BCAS3: variants seen among roughly 807,000 people sequenced by gnomAD.
BCAS3 encodes the protein BCAS3 microtubule associated cell migration factor, also known as BCAS4/BCAS3 fusion.
BCAS3 carries 53 observed loss-of-function variants against 116.1 expected under a neutral mutation model. The observed-to-expected ratio is 0.46, with a 90% CI of 0.37 to 0.57. The LOEUF is 0.57. Ranked by LOEUF, BCAS3 falls within the 20% of genes least tolerant of loss-of-function variation. The pLI, the probability that BCAS3 is intolerant of heterozygous loss-of-function variation, is 0.00. For synonymous variants in BCAS3, 391 were observed against 408.2 expected (o/e 0.96, Z 0.51); for missense variants, 917 against 1,165.4 (o/e 0.79, Z 3.10).
At position 61,128,764 on chromosome 17, in the gene BCAS3, C is replaced by A. The variant is rs140923821; in HGVS notation, c.2425+44200C>A. 6.6e-6 allele frequency among the ~76,000 whole-genome samples: 1 copy of A among 152,040 alleles called. No individual in the cohort carries two copies. The highest frequency in any genetic ancestry group is 2.4e-5 in the African/African-American group (1 of 41,436). Reference sequence around the variant, plus strand: ...ATCGTGCTAGCTGGTAGAATTTTTTCCCCCAGGAAAAAAAAATCGGCAACT... The same window carrying A: ...ATCGTGCTAGCTGGTAGAATTTTTTACCCCAGGAAAAAAAAATCGGCAACT... On this transcript the variant is annotated intron_variant, in intron 22 of 23. Coordinates refer to ENST00000407086, the MANE Select transcript of BCAS3 (RefSeq NM_017679.5). This position sits in a 1 kb window ranked among gnomAD's most constrained non-coding sequence, Gnocchi z 4.1.
At chr17:60,781,833 C>G (rs1271229758) in intron 6 of BCAS3, among the ~76,000 whole-genome samples, 1 of 152,064 alleles carries the variant, frequency 6.6e-6, no homozygotes, top group Admixed American at 6.5e-5. Flanking sequence ...GCTTCTAGAC[C>G]TATTTCTAGG....
chr17:60,812,507 G>C (rs1390865997), intron 7 of BCAS3, among the ~76,000 whole-genome samples: 1 of 152,146 alleles, frequency 6.6e-6, no homozygotes, highest in Admixed American at 6.5e-5. Context: ...AAAGACAGGA[G>C]ATGTGATAGT....
chr17:61,103,260 T>C (rs1226697606), intron 22 of BCAS3, among the ~76,000 whole-genome samples: 1 of 152,160 alleles, frequency 6.6e-6, no homozygotes, highest in Non-Finnish European at 1.5e-5. Context: ...CAAACACCCT[T>C]CTGATTCTAA....
rs1568855443 is a variant in BCAS3, at chr17:61,324,858, G to C, written c.2426-43469G>C. Among the ~76,000 whole-genome samples, 1 of 151,722 alleles carries C rather than the reference G, an allele frequency of 6.6e-6. No individual in the cohort carries two copies. The highest frequency in any genetic ancestry group is 1.5e-5 in the Non-Finnish European group (1 of 67,934). On this transcript the variant is annotated intron_variant, in intron 22 of 23. Transcript: ENST00000407086. The surrounding 1 kb of genome is among the most constrained non-coding windows in gnomAD (Gnocchi z 4.6). Reference sequence around the variant, plus strand: ...AAAAAGAAGAAACAAAAAAGAAGATGTAGACTGTGTGATCTCTGAAATTTC... The same window carrying C: ...AAAAAGAAGAAACAAAAAAGAAGATCTAGACTGTGTGATCTCTGAAATTTC...
intron 19 of BCAS3, among the ~76,000 whole-genome samples, chr17:61,047,459 T>C (rs1309317357): frequency 2.6e-5 from 4 of 152,028 alleles, no homozygotes; most frequent in African/African-American, 9.7e-5. Flanking sequence ...TCAGTAAAAG[T>C]AAAAGTCAAG....
In BCAS3 at chr17:60,930,480, G is replaced by A. The variant is rs1231055456; in HGVS notation, c.1087+5980G>A. Among the ~76,000 whole-genome samples the A allele has an allele frequency of 5.3e-5, 8 of 151,948 alleles. No homozygotes were observed. In the East Asian group the frequency reaches 7.7e-4, roughly 15 times the overall value. ...CATTCATTCATTCATTTTTTGAGACGGAGTCTTGCTCTGTTGCCCAGGCTG... is the reference window on the plus strand; with the variant it reads ...CATTCATTCATTCATTTTTTGAGACAGAGTCTTGCTCTGTTGCCCAGGCTG... On this transcript the variant is annotated intron_variant, in intron 13 of 23. Transcript: ENST00000407086.
At chr17:60,679,406 G>A (rs1597985063) in intron 1 of BCAS3, 47 bp from the exon 2 acceptor site, 2 of 1,441,246 alleles carry the variant, frequency 1.4e-6, no homozygotes, top group African/African-American at 1.4e-5. Context: ...CCCCAACAAC[G>A]ATCCATGTTT....
chr17:61,268,974 GTATA>G (rs1449658204), intron 22 of BCAS3, among the ~76,000 whole-genome samples: 1 of 151,974 alleles, frequency 6.6e-6, no homozygotes, highest in Admixed American at 6.6e-5. Flanking sequence ...ATATTCCCCT[GTATA>G]TATATGTATA....
chr17:60,896,710 CAT>C (rs1326775723), intron 10 of BCAS3, among the ~76,000 whole-genome samples: 1 of 151,372 alleles, frequency 6.6e-6, no homozygotes, highest in African/African-American at 2.4e-5. Flanking sequence ...TTTTAGTCTA[CAT>C]ATGTCTTTAT....
intron 6 of BCAS3, among the ~76,000 whole-genome samples, chr17:60,782,630 G>T (rs186016848): frequency 7.3e-5 from 11 of 151,046 alleles, no homozygotes; most frequent in Admixed American, 3.3e-4. Flanking sequence ...TCTGTCGCCA[G>T]ACTGGAGTGC....
At chr17:60,689,547 T>C (rs954437945) in intron 3 of BCAS3, 139 bp from the exon 4 acceptor site, 11 of 520,846 alleles carry the variant, frequency 2.1e-5, no homozygotes, top group African/African-American at 1.6e-4. Context: ...AATAATGTTC[T>C]AAAATATTCT....
At chr17:60,973,158 CT>C (rs2062070501) in intron 14 of BCAS3, among the ~76,000 whole-genome samples, 1 of 151,992 alleles carries the variant, frequency 6.6e-6, no homozygotes, top group East Asian at 1.9e-4. Context: ...GTCTATGTGA[CT>C]TTTTTTGCTC....
In BCAS3 at chr17:61,156,795, G is replaced by GAT. The variant is rs1276139095; in HGVS notation, c.2425+72235_2425+72236dup. Among the ~76,000 whole-genome samples, 2 of 152,104 alleles carry GAT rather than the reference G, an allele frequency of 1.3e-5. No individual in the cohort carries two copies. Among genetic ancestry groups the GAT allele is most frequent in the East Asian group, 1.9e-4 (1 of 5,184 alleles). On this transcript the variant is annotated intron_variant, in intron 22 of 23. Coordinates refer to ENST00000407086, the MANE Select transcript of BCAS3 (RefSeq NM_017679.5). The surrounding 1 kb of genome is among the most constrained non-coding windows in gnomAD (Gnocchi z 4.7). ...ATGCACACAAAAAATCTGCAGTGTG[G>GAT]ATATAAGTTAATGCCCTGAAGCTGG...
Position 61,087,841 on chromosome 17 carries a change from G to C in BCAS3, c.2425+3277G>C, listed in dbSNP as rs1206949338. On this transcript the variant is annotated intron_variant, in intron 22 of 23. Transcript: ENST00000407086. This position sits in a 1 kb window ranked among gnomAD's most constrained non-coding sequence, Gnocchi z 4.6. ...CAGTTCTATAACTGCTTGATGAGTA[G>C]ATGTTATTCCCATAACATCTGTCTC... 6.6e-6 allele frequency among the ~76,000 whole-genome samples: 1 copy of C among 152,048 alleles called. No individual in the cohort carries two copies. The highest frequency in any genetic ancestry group is 1.9e-4 in the East Asian group (1 of 5,190).
chr17:61,237,914 T>A (rs2083191056), intron 22 of BCAS3, among the ~76,000 whole-genome samples: 1 of 152,196 alleles, frequency 6.6e-6, no homozygotes, highest in Non-Finnish European at 1.5e-5. Flanking sequence ...GGATCACCCA[T>A]ATTCCTGAAT....
chr17:61,027,414 CAA>C (rs776675193), intron 16 of BCAS3: 50 of 444,380 alleles, frequency 1.1e-4, no homozygotes, highest in Non-Finnish European at 2.0e-4. Context: ...TACATAATGA[CAA>C]AATATATATT....
intron 15 of BCAS3, among the ~76,000 whole-genome samples, chr17:61,003,294 C>A (rs1438624396): frequency 1.3e-5 from 2 of 151,438 alleles, no homozygotes; most frequent in African/African-American, 2.4e-5. Context: ...ACACCCTTTT[C>A]TTATTTTATG....
intron 14 of BCAS3, among the ~76,000 whole-genome samples, chr17:60,958,730 T>C (rs764142479): frequency 3.3e-5 from 5 of 152,160 alleles, no homozygotes; most frequent in Non-Finnish European, 7.3e-5. Context: ...ACAACACTTA[T>C]GAGCAAAATA....
intron 9 of BCAS3, among the ~76,000 whole-genome samples, chr17:60,879,244 G>C (rs868476266): frequency 6.4e-4 from 97 of 152,200 alleles, no homozygotes; most frequent in African/African-American, 2.2e-3. Flanking sequence ...CACTTAATGA[G>C]GTTGTTGTTT....
Sources: gnomAD v4.1 joint callset for allele counts (sites outside exome capture counted in the v4.1 genomes callset) on GRCh38, gnomAD v4.1.1 for gene constraint, Gnocchi (gnomAD v3.1) non-coding constraint, MANE v1.5 for transcripts, NCBI Gene and HGNC (gene_info 2026-07-23, HGNC 2026-07-21) for gene names.